The following VPS37A variants were observed in gnomAD, a reference collection of about 807,000 sequenced individuals.
VPS37A encodes vacuolar protein sorting-associated protein 37A.
VPS37A carries 30 observed loss-of-function variants against 49.8 expected under a neutral mutation model. The ratio of observed to expected loss-of-function variants is 0.60; its 90% CI spans 0.45 to 0.82. VPS37A has a LOEUF of 0.82. Among genes scored for constraint, VPS37A ranks in the 40% least tolerant of loss-of-function variants. VPS37A has a pLI of 0.00. For synonymous variants in VPS37A, 195 were observed against 160.6 expected, an observed-to-expected ratio of 1.21 and a Z score of -1.62; for missense variants, 593 against 464.4, an observed-to-expected ratio of 1.28 and a Z score of -2.55.
chr8:17,273,972 A>C (rs534041029), intron 4 of VPS37A, among the ~76,000 whole-genome samples: 3 of 152,312 alleles, frequency 2.0e-5, no homozygotes, highest in Admixed American at 2.0e-4. Context: ...CCTGATCCAT[A>C]TAAACTCACT....
At chr8:17,332,601 G>T in the VPS37A span, among the ~76,000 whole-genome samples, 1 of 152,178 alleles carries the variant, frequency 6.6e-6, no homozygotes, top group South Asian at 2.1e-4. Flanking sequence ...GGCAAACTGG[G>T]AGCTGCTGCC....
At chr8:17,266,840 C>A (rs1813508437) in intron 2 of VPS37A, among the ~76,000 whole-genome samples, 2 of 152,126 alleles carry the variant, frequency 1.3e-5, no homozygotes, top group African/African-American at 4.8e-5. Context: ...GTGGCACAAT[C>A]TTGGCCACTG....
At chr8:17,331,432 T>G in the VPS37A span, 2 of 767,370 alleles carry the variant, frequency 2.6e-6, no homozygotes, top group Admixed American at 7.1e-5. Context: ...AACCTTGTAC[T>G]GAACTACATA....
rs145852445 is a variant in VPS37A, at chr8:17,282,854, C to G, written c.970-1619C>G. On this transcript the variant is annotated intron_variant, in intron 9 of 11. Transcript: ENST00000324849. ...TCTTCTGCGCTCTTACATATGGAAACCACTTCATTAGACCATTGGTTCCGT... is the reference window on the plus strand; with the variant it reads ...TCTTCTGCGCTCTTACATATGGAAAGCACTTCATTAGACCATTGGTTCCGT... Among the ~76,000 whole-genome samples the G allele has an allele frequency of 1.5e-4, 23 of 152,188 alleles. No individual in the cohort carries two copies. In the East Asian group the frequency reaches 4.3e-3, roughly 28 times the overall value.
At chr8:17,324,059 G>C in the VPS37A span, among the ~76,000 whole-genome samples, 1 of 152,068 alleles carries the variant, frequency 6.6e-6, no homozygotes, top group Non-Finnish European at 1.5e-5. Context: ...AAACGCTTTG[G>C]CTTTGACATC....
chr8:17,267,058 A>G (rs1813533152), intron 2 of VPS37A, among the ~76,000 whole-genome samples: 1 of 152,146 alleles, frequency 6.6e-6, no homozygotes, highest in Admixed American at 6.6e-5. Context: ...GGCGTATGTG[A>G]GCTTTTTGAA....
chr8:17,289,372 T>G (rs575128637), intron 11 of VPS37A, among the ~76,000 whole-genome samples: 3 of 152,328 alleles, frequency 2.0e-5, no homozygotes, highest in South Asian at 2.1e-4. Flanking sequence ...CATCTTGAGT[T>G]AATTTTTGTA....
At chr8:17,259,862 T>C (rs570055140) in intron 1 of VPS37A, among the ~76,000 whole-genome samples, 1 of 152,172 alleles carries the variant, frequency 6.6e-6, no homozygotes, top group Non-Finnish European at 1.5e-5. Flanking sequence ...ATTTGTAGTC[T>C]GTTTTATTTG....
chr8:17,278,352 C>G (rs1814720265), intron 6 of VPS37A, among the ~76,000 whole-genome samples: 2 of 151,960 alleles, frequency 1.3e-5, no homozygotes, highest in African/African-American at 4.8e-5. Context: ...AATTTATTAA[C>G]CAGAATTACT....
intron 1 of VPS37A, among the ~76,000 whole-genome samples, chr8:17,258,032 GT>G (rs1812635537): frequency 6.6e-6 from 1 of 151,984 alleles, no homozygotes; most frequent in African/African-American, 2.4e-5. Flanking sequence ...CAGGTTTTTT[GT>G]TTGTCTGTTT....
At chr8:17,265,430 T>C (rs1813355688) in intron 1 of VPS37A, among the ~76,000 whole-genome samples, 1 of 152,190 alleles carries the variant, frequency 6.6e-6, no homozygotes, top group Non-Finnish European at 1.5e-5. Flanking sequence ...ATATTTGTTT[T>C]TGGAAAGCAG....
At chr8:17,325,667 A>G in the VPS37A span, among the ~76,000 whole-genome samples, 1 of 152,212 alleles carries the variant, frequency 6.6e-6, no homozygotes, top group Non-Finnish European at 1.5e-5. Flanking sequence ...CCACAGAACA[A>G]CTTGCTGAGA....
At position 17,284,767 on chromosome 8, in the gene VPS37A, T is replaced by C. The variant is rs137879157; in HGVS notation, c.1113+151T>C. 1,414 of 1,060,702 alleles carry C rather than the reference T, an allele frequency of 1.3e-3. 19 individuals carry two copies. In the African/African-American group the frequency reaches 0.021, roughly 16 times the overall value. 65.7% of individuals were successfully genotyped at this position (1,060,702 alleles called of 1,614,324 possible). A position where few individuals can be genotyped will look rare whatever the true frequency, so the allele number is the denominator to read the frequency against. On this transcript the variant is annotated intron_variant, in intron 10 of 11. Transcript: ENST00000324849. ...ATTTACCTGAAAGGAAGGTTTCTAT[T>C]CCTTGGGTGTGGACTTGGGCAAAAA...
chr8:17,307,424 T>G (rs558723519), downstream of VPS37A, among the ~76,000 whole-genome samples: 254 of 152,258 alleles, frequency 1.7e-3, 1 homozygote, highest in African/African-American at 5.9e-3. Flanking sequence ...AGGAACACTT[T>G]TACACTGTTG....
At chr8:17,280,513 T>A (rs1399369147) in intron 9 of VPS37A, 70 bp downstream of exon 9, 4 of 1,364,510 alleles carry the variant, frequency 2.9e-6, no homozygotes, top group Non-Finnish European at 4.0e-6. Flanking sequence ...AGTCCTGATC[T>A]CACTTTCATT....
rs115387151 is a variant in VPS37A, at chr8:17,257,772, G to C, written c.126-8135G>C. Among the ~76,000 whole-genome samples the C allele has an allele frequency of 2.8e-3, 419 of 152,238 alleles. 3 individuals carry two copies. Among genetic ancestry groups the C allele is most frequent in the African/African-American group, 9.6e-3 (397 of 41,538 alleles). On this transcript the variant is annotated intron_variant, in intron 1 of 11. Coordinates refer to ENST00000324849, the MANE Select transcript of VPS37A (RefSeq NM_152415.3). Reference sequence around the variant, plus strand: ...ATTTATTCCTCCAGCCACAAGCATGGAATATGTTTCCATTTTTTTTGTACA... The same window carrying C: ...ATTTATTCCTCCAGCCACAAGCATGCAATATGTTTCCATTTTTTTTGTACA...
At chr8:17,274,479 A>G (rs933605016) in intron 4 of VPS37A, among the ~76,000 whole-genome samples, 4 of 151,930 alleles carry the variant, frequency 2.6e-5, no homozygotes, top group African/African-American at 9.7e-5. Context: ...GTTGAATTGC[A>G]TGCTTTCTAA....
chr8:17,260,616 C>T (rs1378060933), intron 1 of VPS37A, among the ~76,000 whole-genome samples: 3 of 152,098 alleles, frequency 2.0e-5, no homozygotes, highest in African/African-American at 7.2e-5. Context: ...GATGAACTCC[C>T]TTTAGCATTT....
chr8:17,258,040 G>C (rs542736637), intron 1 of VPS37A, among the ~76,000 whole-genome samples: 1 of 152,036 alleles, frequency 6.6e-6, no homozygotes, highest in African/African-American at 2.4e-5. Flanking sequence ...TTGTTTGTCT[G>C]TTTTTTTGGT....
Sources: allele counts gnomAD v4.1 joint callset (sites outside exome capture counted in the v4.1 genomes callset), GRCh38; gene constraint gnomAD v4.1.1; transcripts MANE v1.5; gene names NCBI Gene and HGNC (gene_info 2026-07-23, HGNC 2026-07-21).